OAT: variants seen among roughly 807,000 people sequenced by gnomAD.
OAT encodes the protein ornithine aminotransferase.
A neutral mutation model predicts 48.4 loss-of-function variants in OAT; 35 were observed. That is an observed-to-expected ratio of 0.72 (90% CI 0.55 to 0.96). OAT has a LOEUF of 0.96. Ranked by LOEUF, OAT falls within the 40% of genes least tolerant of loss-of-function variation. The probability of loss-of-function intolerance (pLI) is 0.00; values close to 1 mark genes in which losing one functional copy is unlikely to be tolerated. For missense variants in OAT, 438 were observed against 537.9 expected, an observed-to-expected ratio of 0.81 and a Z score of 1.84; for synonymous variants, 182 against 198.4, an observed-to-expected ratio of 0.92 and a Z score of 0.70.
chr10:124,410,892 C>A (rs1951724701), intron 2 of OAT, among the ~76,000 whole-genome samples: 1 of 152,026 alleles, frequency 6.6e-6, no homozygotes, highest in African/African-American at 2.4e-5. Context: ...TGTAATCCAG[C>A]ACTTTGGGAG....
chr10:124,407,539 T>C (rs1951619560), intron 4 of OAT: 1 of 731,344 alleles, frequency 1.4e-6, no homozygotes, highest in East Asian at 1.3e-4. Flanking sequence ...ATTTCTTCTT[T>C]GGGAATACCA....
In OAT at chr10:124,412,686, T is replaced by C. The variant is rs556139525; in HGVS notation, c.-29-486A>G. 6.0e-5 allele frequency among the ~76,000 whole-genome samples: 9 copies of C among 150,306 alleles called. No individual in the cohort carries two copies. In the East Asian group the frequency reaches 1.8e-3, roughly 31 times the overall value. On this transcript the variant is annotated intron_variant, in intron 1 of 9. Coordinates refer to ENST00000368845, the MANE Select transcript of OAT (RefSeq NM_000274.4). Reference sequence around the variant, plus strand: ...AGTCAGGTGTGGTGGTTTGTGCCTGTAGCCCCCAGCTGCTCAGGAGGCTGA... The same window carrying C: ...AGTCAGGTGTGGTGGTTTGTGCCTGCAGCCCCCAGCTGCTCAGGAGGCTGA...
At chr10:124,414,022 C>T (rs1589719764) in intron 1 of OAT, 1 of 133,152 alleles carries the variant, frequency 7.5e-6, no homozygotes, top group Non-Finnish European at 1.6e-5. Context: ...ATAGGAATCA[C>T]CTCTGGAAGG....
chr10:124,404,665 C>T (rs1564732466), intron 5 of OAT, among the ~76,000 whole-genome samples: 1 of 152,166 alleles, frequency 6.6e-6, no homozygotes, highest in Non-Finnish European at 1.5e-5. Context: ...ACACAAAGTG[C>T]TCCTCCAGCC....
intron 1 of OAT, 80 bp from the exon 2 acceptor site, chr10:124,412,280 G>A (rs1029171476): frequency 5.3e-6 from 6 of 1,122,494 alleles, no homozygotes; most frequent in Non-Finnish European, 7.9e-6. Context: ...GGAGGCTGAG[G>A]TCAAAGGATC....
At chr10:124,418,694 G>A (rs1346279461) in intron 1 of OAT, among the ~76,000 whole-genome samples, 179 bp downstream of exon 1, 1 of 152,072 alleles carries the variant, frequency 6.6e-6, no homozygotes, top group Non-Finnish European at 1.5e-5. Flanking sequence ...CGCCCGCAGA[G>A]TAAACGGGCC....
intron 4 of OAT, 178 bp from the exon 5 acceptor site, chr10:124,405,741 T>C: frequency 7.0e-7 from 1 of 1,425,738 alleles, no homozygotes; most frequent in South Asian, 1.4e-5. Context: ...CCATGGCTCC[T>C]ATGACACAAG....
intron 1 of OAT, among the ~76,000 whole-genome samples, chr10:124,414,734 T>C (rs979930862): frequency 6.6e-5 from 10 of 152,144 alleles, no homozygotes; most frequent in African/African-American, 2.4e-4. Flanking sequence ...AATTTTTGCC[T>C]ATCAAATTAG....
chr10:124,405,870 CA>C, intron 4 of OAT: 1 of 1,201,208 alleles, frequency 8.3e-7, no homozygotes, highest in Non-Finnish European at 1.0e-6. Context: ...ATCCCCAACC[CA>C]AAACCAAGCC....
Position 124,405,960 on chromosome 10 carries a change from T to C in OAT, c.521-397A>G, listed in dbSNP as rs558646403. 11 of 1,119,672 alleles carry C rather than the reference T, an allele frequency of 9.8e-6. No individual in the cohort carries two copies. In the African/African-American group the frequency reaches 1.5e-4, roughly 15 times the overall value. 69.4% of individuals were successfully genotyped at this position (1,119,672 alleles called of 1,614,324 possible). A position where few individuals can be genotyped will look rare whatever the true frequency, so the allele number is the denominator to read the frequency against. ...GTGATATGAGAAAGAATATCCTTCA[T>C]AGACAATTAGCGGTTTTCCTTTCAA... On this transcript the variant is annotated intron_variant, in intron 4 of 9. Coordinates refer to ENST00000368845, the MANE Select transcript of OAT (RefSeq NM_000274.4).
intron 9 of OAT, among the ~76,000 whole-genome samples, chr10:124,400,054 T>C (rs2134447474): frequency 6.6e-6 from 1 of 152,342 alleles, no homozygotes. Context: ...CTATATTTTT[T>C]ATACTCTTAA....
chr10:124,405,409 C>T (rs1225306066), intron 5 of OAT, 27 bp downstream of exon 5: 20 of 1,612,218 alleles, frequency 1.2e-5, no homozygotes, highest in Non-Finnish European at 1.7e-5. Context: ...TCCCAATGAG[C>T]TGAGCACTAT....
chr10:124,415,216 A>G (rs1951885145), intron 1 of OAT: 1 of 150,802 alleles, frequency 6.6e-6, no homozygotes, highest in African/African-American at 2.4e-5. Flanking sequence ...TTACCTGTTA[A>G]GTTTAGGCAG....
chr10:124,397,911 C>T lies in OAT; in HGVS notation c.*31G>A, dbSNP rs1341542628. 6.2e-7 allele frequency: 1 copy of T among 1,613,358 alleles called. No homozygotes were observed. Among genetic ancestry groups the T allele is most frequent in the Non-Finnish European group, 8.5e-7 (1 of 1,179,674 alleles). ...CAGGACCACCTGTCTCCAGCTGGCT[C>T]CCAGGGACCACTGAAAACAGCTGGC... is the stretch of plus-strand genomic sequence containing the variant. On this transcript the variant is annotated 3_prime_UTR_variant, in exon 10 of 10. Coordinates refer to ENST00000368845, the MANE Select transcript of OAT (RefSeq NM_000274.4).
intron 2 of OAT, among the ~76,000 whole-genome samples, chr10:124,410,140 T>A (rs1001615439): frequency 2.6e-5 from 4 of 152,222 alleles, no homozygotes; most frequent in African/African-American, 9.6e-5. Context: ...TTTTATTTGG[T>A]TAAGGCTGTT....
At chr10:124,417,617 T>C (rs1589724432) in intron 1 of OAT, among the ~76,000 whole-genome samples, 3 of 152,298 alleles carry the variant, frequency 2.0e-5, no homozygotes, top group Middle Eastern at 6.8e-3. Flanking sequence ...AACGCTCGTT[T>C]TTATGAAAAG....
In OAT at chr10:124,398,031, T is replaced by A; in HGVS notation, c.1231A>T (p.Ile411Phe). 6.2e-7 allele frequency: 1 copy of A among 1,614,094 alleles called. No homozygotes were observed. Among genetic ancestry groups the A allele is most frequent in the Non-Finnish European group, 8.5e-7 (1 of 1,179,974 alleles). The change falls in exon 10 of 10, where the codon ATT becomes TTT. Residue 411 changes from isoleucine (I) to phenylalanine (F), a missense_variant. By Grantham distance (21) the Ile-to-Phe change is conservative (BLOSUM62 0). Coordinates refer to ENST00000368845, the MANE Select transcript of OAT (RefSeq NM_000274.4). ...GLLAKPTHGD[I>F]IRFAPPLVIK... ...ACCAGCGGAGGCGCAAACCTGATAA[T>A]GTCGCCATGGGTTGGCTTGGCCAGA...
At chr10:124,408,675 G>A (rs781475981) in intron 3 of OAT, 38 bp from the exon 4 acceptor site, 1 of 1,586,772 alleles carries the variant, frequency 6.3e-7, no homozygotes, top group Non-Finnish European at 8.7e-7. Flanking sequence ...TTTTTAAAAT[G>A]TTAAACTATC....
intron 5 of OAT, among the ~76,000 whole-genome samples, chr10:124,404,538 C>T (rs532391258): frequency 1.7e-3 from 260 of 152,138 alleles, no homozygotes; most frequent in African/African-American, 6.2e-3. Context: ...CTGCCTGCCT[C>T]GGCCTCCCAA....
Sources: allele counts gnomAD v4.1 joint callset (sites outside exome capture counted in the v4.1 genomes callset), GRCh38; gene constraint gnomAD v4.1.1; transcripts MANE v1.5; gene names NCBI Gene and HGNC (gene_info 2026-07-23, HGNC 2026-07-21).